Variants in SCP2 observed in about 807,000 individuals in gnomAD.
The protein encoded by SCP2 is SCP-2/3-oxoacyl-CoA thiolase.
SCP2 carries 48 observed loss-of-function variants against 71.4 expected under a neutral mutation model. That is an observed-to-expected ratio of 0.67 (90% confidence interval 0.53 to 0.86). The LOEUF (loss-of-function observed/expected upper bound fraction) is 0.86, where lower values mean the gene tolerates loss of function less well. Among genes scored for constraint, SCP2 ranks in the 40% least tolerant of loss-of-function variants. SCP2 has a pLI of 0.00. For missense variants in SCP2, 560 were observed against 655.6 expected (o/e 0.85, Z 1.59); for synonymous variants, 220 against 218.1 (o/e 1.01, Z -0.08).
At chr1:53,006,221 G>C (rs2150216732) in intron 11 of SCP2, among the ~76,000 whole-genome samples, 1 of 152,292 alleles carries the variant, frequency 6.6e-6, no homozygotes, top group East Asian at 1.9e-4. Flanking sequence ...TATTATCCAG[G>C]AGAACTTCCC....
intron 4 of SCP2, among the ~76,000 whole-genome samples, chr1:52,951,342 C>T (rs924695569): frequency 3.3e-5 from 5 of 151,702 alleles, no homozygotes; most frequent in East Asian, 1.9e-4. Flanking sequence ...GGCTCACACT[C>T]GTAATTTCAA....
intron 5 of SCP2, among the ~76,000 whole-genome samples, chr1:52,960,816 G>C (rs1656360010): frequency 6.7e-6 from 1 of 148,466 alleles, no homozygotes; most frequent in Non-Finnish European, 1.5e-5. Context: ...GTAGTGGTGT[G>C]ATCTCGGCTC....
At chr1:52,972,832 C>T (rs375991434) in intron 6 of SCP2, among the ~76,000 whole-genome samples, 3 of 152,158 alleles carry the variant, frequency 2.0e-5, no homozygotes, top group East Asian at 3.8e-4. Flanking sequence ...GTTTCATAAC[C>T]CATAAGCAGT....
At chr1:52,951,325 G>T (rs1247771575) in intron 4 of SCP2, among the ~76,000 whole-genome samples, 1 of 151,766 alleles carries the variant, frequency 6.6e-6, no homozygotes, top group Non-Finnish European at 1.5e-5. Flanking sequence ...TATCAGCCAG[G>T]CATGGTGGCT....
chr1:53,027,901 A>G (rs780072287), intron 12 of SCP2, 68 bp from the exon 13 acceptor site: 6 of 867,548 alleles, frequency 6.9e-6, no homozygotes, highest in Admixed American at 4.0e-5. Context: ...GAAAATTACT[A>G]TTTTATAAAT....
At chr1:52,950,108 TTTTA>T (rs35871937) in intron 3 of SCP2, among the ~76,000 whole-genome samples, 5,110 of 151,276 alleles carry the variant, frequency 0.034, 245 homozygotes, top group African/African-American at 0.11. Context: ...GGTTTAAAGA[TTTTA>T]TTTATTTATT....
At chr1:52,994,934 C>G (rs1444206280) in intron 11 of SCP2, 235 of 522,048 alleles carry the variant, frequency 4.5e-4, no homozygotes, top group Non-Finnish European at 3.8e-6. Flanking sequence ...GATCTAGAAC[C>G]TGGGACCATG....
Position 53,028,046 on chromosome 1 carries a change from A to G in SCP2, c.1313A>G (p.Lys438Arg), listed in dbSNP as rs1662258637. The stretch of plus-strand genomic sequence containing the variant: ...GGATTTAAGGCAAATCTTGTTTTTA[A>G]GGAGATTGAGAAGAAACTTGAAGAG... ...SDGFKANLVF[K>R]EIEKKLEEEG... is the part of the protein sequence containing the mutation. The change falls in exon 13 of 16, where the codon AAG becomes AGG. Residue 438 changes from lysine (K) to arginine (R), a missense_variant. By Grantham distance (26) the Lys-to-Arg change is conservative. This residue lies in a region of SCP2 where 513 missense variants were observed against 573.1 expected (regional missense o/e 0.90). Transcript: ENST00000371514. 4 of 1,605,714 alleles carry G rather than the reference A, an allele frequency of 2.5e-6. No homozygotes were observed. The East Asian group carries it at 8.9e-5, about 36-fold the overall frequency.
chr1:52,954,888 T>G (rs1474675290), intron 5 of SCP2, 84 bp downstream of exon 5: 27 of 994,240 alleles, frequency 2.7e-5, no homozygotes, highest in South Asian at 1.3e-5. Flanking sequence ...TGCATAGATC[T>G]TGGTATTTTA....
chr1:52,946,844 G>A (rs1654843472), intron 2 of SCP2, among the ~76,000 whole-genome samples: 1 of 151,280 alleles, frequency 6.6e-6, no homozygotes, highest in Non-Finnish European at 1.5e-5. Context: ...ATCACTTGAG[G>A]TCAGGGGTTT....
At chr1:53,013,044 C>A (rs1378179779) in intron 11 of SCP2, among the ~76,000 whole-genome samples, 1 of 151,342 alleles carries the variant, frequency 6.6e-6, no homozygotes, top group Non-Finnish European at 1.5e-5. Context: ...TTCACTTTGA[C>A]CTTCCTCATT....
In SCP2 at chr1:52,927,401, C is replaced by T. The variant is rs1244050094; in HGVS notation, c.5C>T (p.Ser2Phe). Residue 2 changes from serine (S) to phenylalanine (F), a missense_variant, in exon 1 of 16, where the codon TCC (serine) becomes TTC (phenylalanine). This residue lies in a region of SCP2 where 513 missense variants were observed against 573.1 expected (regional missense o/e 0.90). Coordinates refer to ENST00000371514, the MANE Select transcript of SCP2 (RefSeq NM_002979.5). ...CGGTCCCGCACTGGTGCAGCCATGT[C>T]CTCTTCCCCGTGGGAGCCTGCGACC... MSSSPWEPATLR... is the reference protein window; with the variant it reads MFSSPWEPATLR... 1 of 1,593,264 alleles carries T rather than the reference C, an allele frequency of 6.3e-7. No homozygotes were observed. Among genetic ancestry groups the T allele is most frequent in the South Asian group, 1.1e-5 (1 of 87,190 alleles).
At chr1:53,047,793 C>A in intron 14 of SCP2, 65 bp from the exon 15 acceptor site, 1 of 1,185,298 alleles carries the variant, frequency 8.4e-7, no homozygotes, top group Non-Finnish European at 1.3e-6. Flanking sequence ...TGGCTCTTGA[C>A]AAAAATGTAT....
At chr1:52,936,328 G>A (rs570308456) in intron 1 of SCP2, among the ~76,000 whole-genome samples, 5 of 152,210 alleles carry the variant, frequency 3.3e-5, no homozygotes, top group Non-Finnish European at 5.9e-5. Flanking sequence ...CCTCAAGAGC[G>A]TAAAGGGGTC....
At chr1:53,029,999 G>A (rs548057368) in intron 13 of SCP2, among the ~76,000 whole-genome samples, 28 of 151,650 alleles carry the variant, frequency 1.8e-4, no homozygotes, top group African/African-American at 6.0e-4. Context: ...AGCGATTCTC[G>A]TGCCTCAGCC....
At chr1:52,995,566 C>T (rs1020809279) in intron 11 of SCP2, 6 of 464,960 alleles carry the variant, frequency 1.3e-5, no homozygotes, top group Non-Finnish European at 2.5e-5. Context: ...CGAGCTTTCA[C>T]AGTGCCCAAA....
rs896096592 is a variant in SCP2, at chr1:53,021,833, C to T, written c.1236-6136C>T. 3.2e-4 allele frequency among the ~76,000 whole-genome samples: 48 copies of T among 151,274 alleles called. 1 individual carries two copies. Among genetic ancestry groups the T allele is most frequent in the African/African-American group, 8.3e-4 (34 of 41,204 alleles). The stretch of plus-strand genomic sequence containing the variant: ...CTAATTTTTGTATTTTTAGAAGAGA[C>T]GGTGTTTTGCCATTTTTTCCAGGCT... On this transcript the variant is annotated intron_variant, in intron 12 of 15. Coordinates refer to ENST00000371514, the MANE Select transcript of SCP2 (RefSeq NM_002979.5).
chr1:53,029,434 A>G (rs1259839848), intron 13 of SCP2, among the ~76,000 whole-genome samples: 1 of 152,098 alleles, frequency 6.6e-6, no homozygotes, highest in African/African-American at 2.4e-5. Flanking sequence ...GATGTATTTC[A>G]TTATGGATTT....
chr1:52,928,474 C>G (rs1037294128), intron 1 of SCP2, among the ~76,000 whole-genome samples: 2 of 152,206 alleles, frequency 1.3e-5, no homozygotes, highest in African/African-American at 2.4e-5. Context: ...GCTGAGCGTA[C>G]CTAATTCAGT....
Sources: allele counts gnomAD v4.1 joint callset (sites outside exome capture counted in the v4.1 genomes callset), GRCh38; gene constraint gnomAD v4.1.1; regional missense constraint gnomAD v4.1.1; transcripts MANE v1.5; gene names NCBI Gene and HGNC (gene_info 2026-07-23, HGNC 2026-07-21).